The following TRPC5 variants were observed in gnomAD, a reference collection of about 807,000 sequenced individuals.
The protein encoded by TRPC5 is short transient receptor potential channel 5.
In TRPC5, 9 loss-of-function variants were observed where a neutral mutation model predicts 56.5. The ratio of observed to expected loss-of-function variants is 0.16; its 90% CI spans 0.10 to 0.28. The LOEUF (loss-of-function observed/expected upper bound fraction) is 0.28, where lower values mean the gene tolerates loss of function less well. Among genes scored for constraint, TRPC5 ranks in the 10% least tolerant of loss-of-function variants. TRPC5 has a pLI of 1.00. For missense variants in TRPC5, 469 were observed against 748.9 expected, an observed-to-expected ratio of 0.63 and a Z score of 4.36; for synonymous variants, 282 against 278.5, an observed-to-expected ratio of 1.01 and a Z score of -0.13.
chrX:111,790,010 A>G (rs1023411730), intron 7 of TRPC5, among the ~76,000 whole-genome samples: 2 of 112,123 alleles, frequency 1.8e-5, no homozygotes, highest in Admixed American at 1.9e-4. Context: ...GCAATTCCTC[A>G]AGGATCTAGA....
intron 1 of TRPC5, among the ~76,000 whole-genome samples, chrX:112,003,338 T>A (rs1239021382): frequency 9.0e-6 from 1 of 111,196 alleles, no homozygotes; most frequent in Non-Finnish European, 1.9e-5. Flanking sequence ...GCAATATCAC[T>A]TAAGCTGAGA....
At chrX:112,072,473 T>C (rs770119814) in intron 1 of TRPC5, among the ~76,000 whole-genome samples, 1 of 112,093 alleles carries the variant, frequency 8.9e-6, no homozygotes, top group South Asian at 3.7e-4. Context: ...ACTAACTGCT[T>C]GTTTAACATC....
At chrX:111,823,270 G>A (rs1490461452) in intron 7 of TRPC5, among the ~76,000 whole-genome samples, 2 of 111,622 alleles carry the variant, frequency 1.8e-5, no homozygotes, top group Non-Finnish European at 3.8e-5. Flanking sequence ...GCCAGGCCAG[G>A]CCCAGGCAGA....
chrX:111,825,134 C>T lies in TRPC5; in HGVS notation c.1896+9787G>A, dbSNP rs1922154758. Among the ~76,000 whole-genome samples, 6 of 74,299 alleles carry T rather than the reference C, an allele frequency of 8.1e-5. 1 individual carries two copies. Among genetic ancestry groups the T allele is most frequent in the Admixed American group, 3.9e-4 (3 of 7,772 alleles). The allele number at this position is 74,299 out of a possible 115,157, so 64.5% of individuals were successfully genotyped here. A position where few individuals can be genotyped will look rare whatever the true frequency, so the allele number is the denominator to read the frequency against. ...TTTCTTTCTTTTCTTTCTTTTCCTT[C>T]CTTCCTTCCTTCCTTTCTTTCTTTC... On this transcript the variant is annotated intron_variant, in intron 7 of 10. Coordinates refer to ENST00000262839, the MANE Select transcript of TRPC5 (RefSeq NM_012471.3).
intron 7 of TRPC5, among the ~76,000 whole-genome samples, chrX:111,788,102 T>C (rs1382089470): frequency 1.8e-5 from 2 of 111,214 alleles, no homozygotes; most frequent in Non-Finnish European, 3.8e-5. Context: ...CGGGCAGAGA[T>C]ACAACAAAAA....
intron 1 of TRPC5, among the ~76,000 whole-genome samples, chrX:111,976,929 C>T (rs1387840796): frequency 9.0e-6 from 1 of 110,740 alleles, no homozygotes; most frequent in Non-Finnish European, 1.9e-5. Flanking sequence ...TAGGAATTAA[C>T]TTAACCAAAG....
intron 1 of TRPC5, among the ~76,000 whole-genome samples, chrX:112,016,721 G>T (rs1455660237): frequency 8.9e-6 from 1 of 111,919 alleles, no homozygotes; most frequent in Non-Finnish European, 1.9e-5. Flanking sequence ...ATGTGTGCAT[G>T]TGTGTGTAGA....
intron 1 of TRPC5, among the ~76,000 whole-genome samples, chrX:111,956,200 G>T (rs1927231073): frequency 1.8e-5 from 2 of 112,630 alleles, no homozygotes; most frequent in Admixed American, 9.4e-5. Flanking sequence ...GAGGAGGAAA[G>T]GCTGGCTTTC....
intron 1 of TRPC5, among the ~76,000 whole-genome samples, chrX:112,005,856 G>A (rs57917942): frequency 0.088 from 9,818 of 111,582 alleles, 663 homozygotes; most frequent in African/African-American, 0.24. Flanking sequence ...AGAGGGAACT[G>A]TCCCGGAGCT....
intron 1 of TRPC5, among the ~76,000 whole-genome samples, chrX:112,061,981 A>G (rs1452463518): frequency 1.8e-5 from 2 of 112,046 alleles, no homozygotes; most frequent in Non-Finnish European, 3.8e-5. Flanking sequence ...TTTATGAGCT[A>G]TAGTCATCTT....
Position 111,775,040 on chromosome X carries a change from C to T in TRPC5, c.*1273G>A, listed in dbSNP as rs200997677. On this transcript the variant is annotated 3_prime_UTR_variant, in exon 11 of 11. Transcript: ENST00000262839. Reference sequence around the variant, plus strand: ...TATGGACTTTATTTTTTAACTTGAACCACTGTATTCTGATGAGGTACTCTT... The same window carrying T: ...TATGGACTTTATTTTTTAACTTGAATCACTGTATTCTGATGAGGTACTCTT... 4.5e-5 allele frequency: 5 copies of T among 111,259 alleles called. No homozygotes were observed. The East Asian group carries it at 1.4e-3, about 31-fold the overall frequency. The allele number at this position is 111,259 out of a possible 1,213,427, so 9.2% of individuals were successfully genotyped here.
chrX:111,964,342 G>A (rs967599367), intron 1 of TRPC5, among the ~76,000 whole-genome samples: 14 of 112,082 alleles, frequency 1.2e-4, no homozygotes, highest in Non-Finnish European at 2.6e-4. Context: ...CCAAATCTAC[G>A]TCTGATTGGT....
intron 5 of TRPC5, 31 bp from the exon 6 acceptor site, chrX:111,847,467 G>A (rs1381189278): frequency 2.6e-6 from 3 of 1,145,023 alleles, no homozygotes; most frequent in Non-Finnish European, 2.3e-6. Flanking sequence ...ACAAGATGAG[G>A]GGTACAGTGA....
Position 112,007,734 on chromosome X carries a change from T to C in TRPC5, c.-21-55293A>G, listed in dbSNP as rs902783839. Among the ~76,000 whole-genome samples the C allele has an allele frequency of 3.6e-5, 4 of 111,699 alleles. No homozygotes were observed. The East Asian group carries it at 1.1e-3, about 32-fold the overall frequency. On this transcript the variant is annotated intron_variant, in intron 1 of 10. Transcript: ENST00000262839. The stretch of plus-strand genomic sequence containing the variant: ...CAGAGGTACTCTAGGAGCCTTTAAA[T>C]GGCTCCAAAGCAGATGCCCTTGCTC...
chrX:112,015,605 A>G (rs1929101370), intron 1 of TRPC5, among the ~76,000 whole-genome samples: 1 of 111,309 alleles, frequency 9.0e-6, no homozygotes, highest in African/African-American at 3.3e-5. Context: ...AAGGGGCACA[A>G]TTCGCGTCAT....
At chrX:112,071,857 T>C (rs1414846286) in intron 1 of TRPC5, among the ~76,000 whole-genome samples, 1 of 111,783 alleles carries the variant, frequency 8.9e-6, no homozygotes, top group African/African-American at 3.3e-5. Context: ...GCCCCTTGAA[T>C]TGTCAAATCC....
intron 3 of TRPC5, among the ~76,000 whole-genome samples, chrX:111,905,106 T>A (rs895569041): frequency 1.8e-4 from 20 of 111,049 alleles, no homozygotes; most frequent in African/African-American, 6.6e-4. Context: ...ATTTTGTTCC[T>A]GAGGGGGTTA....
rs1945856160 is a variant in TRPC5 at position 111,773,560 on chromosome X, A to C, written c.*2753T>G. Among the ~76,000 whole-genome samples the C allele has an allele frequency of 1.8e-5, 2 of 111,781 alleles. No individual in the cohort carries two copies. The highest frequency in any genetic ancestry group is 6.5e-5 in the African/African-American group (2 of 30,820). On this transcript the variant is annotated 3_prime_UTR_variant, in exon 11 of 11. Coordinates refer to ENST00000262839, the MANE Select transcript of TRPC5 (RefSeq NM_012471.3). ...ACAGCATTTTTGGCAAATGAACAAA[A>C]GGGTGTCTGTAGTGGCCACTTCACA...
chrX:111,994,352 G>A (rs1420066166), intron 1 of TRPC5, among the ~76,000 whole-genome samples: 11 of 111,695 alleles, frequency 9.8e-5, no homozygotes, highest in African/African-American at 3.6e-4. Flanking sequence ...CTCCAGCTTT[G>A]TTCTTTTGGC....
Sources: gnomAD v4.1 joint callset for allele counts (sites outside exome capture counted in the v4.1 genomes callset) on GRCh38, gnomAD v4.1.1 for gene constraint, MANE v1.5 for transcripts, NCBI Gene and HGNC (gene_info 2026-07-23, HGNC 2026-07-21) for gene names.